The following DCAF16 variants were observed in gnomAD, a reference collection of about 807,000 sequenced individuals.
DCAF16 encodes the protein DDB1- and CUL4-associated factor 16.
DCAF16 carries 10 observed loss-of-function variants against 17.3 expected under a neutral mutation model. The observed-to-expected ratio is 0.58, with a 90% CI of 0.36 to 0.98. The LOEUF (loss-of-function observed/expected upper bound fraction) is 0.98. Ranked by LOEUF, DCAF16 falls within the 50% of genes least tolerant of loss-of-function variation. DCAF16 has a pLI of 0.01. For synonymous variants in DCAF16, 111 were observed against 92.8 expected (o/e 1.20, Z -1.12); for missense variants, 249 against 247.6 (o/e 1.01, Z -0.04).
Position 17,804,198 on chromosome 4 carries a change from C to A in DCAF16, c.-57G>T, listed in dbSNP as rs769873395. The A allele has an allele frequency of 2.4e-5, 33 of 1,360,556 alleles. No individual in the cohort carries two copies. Among genetic ancestry groups the A allele is most frequent in the Non-Finnish European group, 3.2e-5 (32 of 987,034 alleles). The allele number at this position is 1,360,556 out of a possible 1,614,324, so 84.3% of individuals were successfully genotyped here. ...GGTAATAATCTAAGCCAGCAGAACA[C>A]TGACTAACACTGGCAAATAGAAATA... is the stretch of plus-strand genomic sequence containing the variant. On this transcript the variant is annotated 5_prime_UTR_variant, in exon 3 of 3. Transcript: ENST00000382247.
chr4:17,794,336 G>A, the DCAF16 span, among the ~76,000 whole-genome samples: 6 of 152,094 alleles, frequency 3.9e-5, 1 homozygote, highest in Admixed American at 2.0e-4. Context: ...ATTTTATACA[G>A]TAGTTTTAAT....
At chr4:17,806,012 T>A (rs1720290262) in intron 1 of DCAF16, among the ~76,000 whole-genome samples, 2 of 152,194 alleles carry the variant, frequency 1.3e-5, no homozygotes, top group Admixed American at 1.3e-4. Flanking sequence ...AAGATAACCA[T>A]GTTGACTGAG....
chr4:17,805,864 C>T (rs1319334018), intron 1 of DCAF16, among the ~76,000 whole-genome samples: 1 of 152,132 alleles, frequency 6.6e-6, no homozygotes, highest in Non-Finnish European at 1.5e-5. Flanking sequence ...ACTTGGGAGG[C>T]TGAGGCAGGC....
Position 17,803,110 on chromosome 4 carries a change from C to T in DCAF16, c.*381G>A, listed in dbSNP as rs896772622. ...CATAATCTCAACTCACCGCAACCTC[C>T]GTCTCCTGGGTTCAAGTGATTCTCC... is the stretch of plus-strand genomic sequence containing the variant. On this transcript the variant is annotated 3_prime_UTR_variant, in exon 3 of 3. Transcript: ENST00000382247. 9 of 185,292 alleles carry T rather than the reference C, an allele frequency of 4.9e-5. No homozygotes were observed. Among genetic ancestry groups the T allele is most frequent in the Admixed American group, 2.7e-4 (5 of 18,580 alleles). 11.5% of individuals were successfully genotyped at this position (185,292 alleles called of 1,614,324 possible). A position where few individuals can be genotyped will look rare whatever the true frequency, so the allele number is the denominator to read the frequency against.
the DCAF16 span, among the ~76,000 whole-genome samples, chr4:17,795,386 T>C: frequency 6.6e-6 from 1 of 152,182 alleles, no homozygotes; most frequent in Non-Finnish European, 1.5e-5. Flanking sequence ...GGGCACTTAG[T>C]GGACCCTTTT....
At chr4:17,809,969 T>C (rs2109034346) in intron 1 of DCAF16, among the ~76,000 whole-genome samples, 1 of 152,316 alleles carries the variant, frequency 6.6e-6, no homozygotes, top group Non-Finnish European at 1.5e-5. Flanking sequence ...TTTACTGATG[T>C]ATATTTCCTC....
intron 1 of DCAF16, among the ~76,000 whole-genome samples, chr4:17,805,480 AAG>A (rs929581616): frequency 9.8e-5 from 15 of 152,294 alleles, no homozygotes; most frequent in African/African-American, 3.4e-4. Flanking sequence ...AAAGGAAAAA[AAG>A]AGAGAATTTT....
chr4:17,808,996 T>G (rs939274277), intron 1 of DCAF16, among the ~76,000 whole-genome samples: 2 of 152,074 alleles, frequency 1.3e-5, no homozygotes, highest in Non-Finnish European at 2.9e-5. Flanking sequence ...GCCATTGCAC[T>G]CCAGCCTGGG....
chr4:17,800,437 TAAAC>T (rs1719660760), downstream of DCAF16, among the ~76,000 whole-genome samples: 1 of 152,146 alleles, frequency 6.6e-6, no homozygotes, highest in Non-Finnish European at 1.5e-5. Context: ...TTAAAATACA[TAAAC>T]AAATAAGCTC....
chr4:17,807,268 A>G (rs948944739), intron 1 of DCAF16, among the ~76,000 whole-genome samples: 3 of 152,250 alleles, frequency 2.0e-5, no homozygotes, highest in Non-Finnish European at 4.4e-5. Flanking sequence ...GGACTGAACT[A>G]AAGATACCAA....
In DCAF16 at chr4:17,810,756, C is replaced by T; in HGVS notation, c.-1059G>A. The stretch of plus-strand genomic sequence containing the variant: ...CTCAGCTCCCGCGCCGACGCTACTT[C>T]CGGCCGAGTCAAGGCCCCTCCCCCT... On this transcript the variant is annotated 5_prime_UTR_variant, in exon 1 of 3. Transcript: ENST00000382247. The T allele has an allele frequency of 4.3e-6, 1 of 233,722 alleles. No individual in the cohort carries two copies. The highest frequency in any genetic ancestry group is 8.2e-6 in the Non-Finnish European group (1 of 121,352). 14.5% of individuals were successfully genotyped at this position (233,722 alleles called of 1,614,324 possible).
At chr4:17,806,778 A>G (rs572584483) in intron 1 of DCAF16, among the ~76,000 whole-genome samples, 1 of 152,328 alleles carries the variant, frequency 6.6e-6, no homozygotes, top group South Asian at 2.1e-4. Flanking sequence ...GGTATGTCCT[A>G]TGACTAAAGT....
At chr4:17,808,215 A>G (rs1254905161) in intron 1 of DCAF16, among the ~76,000 whole-genome samples, 1 of 152,276 alleles carries the variant, frequency 6.6e-6, no homozygotes, top group Non-Finnish European at 1.5e-5. Context: ...TTTAGATTAT[A>G]GTACTATTAC....
At chr4:17,799,781 T>C (rs1719609059), downstream of DCAF16, among the ~76,000 whole-genome samples, 1 of 152,172 alleles carries the variant, frequency 6.6e-6, no homozygotes, top group Non-Finnish European at 1.5e-5. Flanking sequence ...TTTTTTCTTT[T>C]CTTAGGAAGC....
chr4:17,798,310 CTTTTTTT>C (rs61478198), downstream of DCAF16, among the ~76,000 whole-genome samples: 19 of 131,278 alleles, frequency 1.4e-4, no homozygotes, highest in Admixed American at 2.3e-4. Context: ...TGTTATTTTC[CTTTTTTT>C]TTTTTTTTTT....
chr4:17,794,772 T>G, the DCAF16 span, among the ~76,000 whole-genome samples: 1 of 152,214 alleles, frequency 6.6e-6, no homozygotes. Context: ...TGCCTATACT[T>G]TTAATGTCAA....
downstream of DCAF16, among the ~76,000 whole-genome samples, chr4:17,799,194 T>C (rs771988806): frequency 5.3e-5 from 8 of 152,204 alleles, no homozygotes; most frequent in Admixed American, 3.3e-4. Flanking sequence ...GGGGGTTTAA[T>C]TGAAGTCTGC....
Position 17,803,382 on chromosome 4 carries a change from G to A in DCAF16, c.*109C>T. On this transcript the variant is annotated 3_prime_UTR_variant, in exon 3 of 3. Coordinates refer to ENST00000382247, the MANE Select transcript of DCAF16 (RefSeq NM_017741.4). ...AAAGGGTATCCTCATTGGCTTGCCA[G>A]GGCATAAGAGAGTTTGACTGAGAAG... 1 of 1,065,084 alleles carries A rather than the reference G, an allele frequency of 9.4e-7. No homozygotes were observed. The highest frequency in any genetic ancestry group is 1.4e-6 in the Non-Finnish European group (1 of 715,408). 66.0% of individuals were successfully genotyped at this position (1,065,084 alleles called of 1,614,324 possible).
chr4:17,807,510 T>A lies in DCAF16; in HGVS notation c.-749-2285A>T, dbSNP rs182967771. Among the ~76,000 whole-genome samples the A allele has an allele frequency of 2.8e-4, 43 of 152,294 alleles. 1 individual carries two copies. The East Asian group carries it at 6.9e-3, about 25-fold the overall frequency. ...GTGGAGTAACTGTTCGGAAGAACAG[T>A]CCGGCAGCACTACTTAGGCAAACTA... On this transcript the variant is annotated intron_variant, in intron 1 of 2. Transcript: ENST00000382247.
Sources: allele counts gnomAD v4.1 joint callset (sites outside exome capture counted in the v4.1 genomes callset), GRCh38; gene constraint gnomAD v4.1.1; transcripts MANE v1.5; gene names NCBI Gene and HGNC (gene_info 2026-07-23, HGNC 2026-07-21).